Variants in STK3 observed in about 807,000 individuals in gnomAD.
STK3 encodes the protein serine/threonine kinase 3.
In STK3, 41 loss-of-function variants were observed where a neutral mutation model predicts 58.0. That is an observed-to-expected ratio of 0.71 (90% CI 0.55 to 0.92). The LOEUF (loss-of-function observed/expected upper bound fraction) is 0.92. STK3 is among the 40% of genes least tolerant of loss of function. The pLI, the probability that STK3 is intolerant of heterozygous loss-of-function variation, is 0.00. For synonymous variants in STK3, 170 were observed against 191.0 expected, an observed-to-expected ratio of 0.89 and a Z score of 0.91; for missense variants, 479 against 602.7, an observed-to-expected ratio of 0.79 and a Z score of 2.15.
chr8:98,604,296 C>T (rs1417220303), intron 6 of STK3, among the ~76,000 whole-genome samples: 1 of 152,194 alleles, frequency 6.6e-6, no homozygotes, highest in Admixed American at 6.5e-5. Flanking sequence ...ACTCCATGTC[C>T]CACATCCAGG....
chr8:98,903,322 G>A (rs751172455), intron 1 of STK3, among the ~76,000 whole-genome samples: 36 of 152,076 alleles, frequency 2.4e-4, no homozygotes, highest in Non-Finnish European at 4.9e-4. Context: ...AGTTTTTATG[G>A]GCAGGTGATA....
chr8:98,428,623 C>T lies in STK3; in HGVS notation n.483+5504G>A, dbSNP rs749147597. 2 of 1,614,090 alleles carry T rather than the reference C, an allele frequency of 1.2e-6. No homozygotes were observed. The highest frequency in any genetic ancestry group is 1.7e-6 in the Non-Finnish European group (2 of 1,180,058). On this transcript the variant is annotated intron_variant and non_coding_transcript_variant, in intron 3 of 3. Coordinates refer to the STK3 transcript ENST00000517832. The surrounding 1 kb of genome is among the most constrained non-coding windows in gnomAD (Gnocchi z 6.7). The stretch of plus-strand genomic sequence containing the variant: ...AATAGCCTGCCCGATTTCCAAATCC[C>T]TGACAGCCAGGGCAACCCTGGCGAG...
intron 3 of STK3, among the ~76,000 whole-genome samples, chr8:98,854,470 T>A (rs1836595474): frequency 1.3e-5 from 2 of 152,116 alleles, no homozygotes; most frequent in Admixed American, 6.6e-5. Flanking sequence ...TGTAATCTCG[T>A]ATATAGAAAA....
At chr8:98,613,614 T>A (rs1459215438) in intron 6 of STK3, among the ~76,000 whole-genome samples, 1 of 150,186 alleles carries the variant, frequency 6.7e-6, no homozygotes, top group South Asian at 2.1e-4. Flanking sequence ...AAAAGAAAAC[T>A]CTTAAAAAAA....
chr8:98,452,085 G>A (rs1379575846), downstream of STK3, among the ~76,000 whole-genome samples: 1 of 152,082 alleles, frequency 6.6e-6, no homozygotes, highest in Non-Finnish European at 1.5e-5. Flanking sequence ...TACAGGATAG[G>A]AAATGAAAAT....
At chr8:98,588,229 G>A (rs556306887) in intron 7 of STK3, among the ~76,000 whole-genome samples, 171 of 152,156 alleles carry the variant, frequency 1.1e-3, no homozygotes, top group Non-Finnish European at 1.4e-3. Flanking sequence ...TTTTGCAGCG[G>A]CTGGTGCCGG....
chr8:98,446,328 T>C (rs1818947715), intron 1 of STK3, among the ~76,000 whole-genome samples: 1 of 152,230 alleles, frequency 6.6e-6, no homozygotes, highest in Admixed American at 6.5e-5. Context: ...GCTGCCTTTA[T>C]TTCTGTATTT....
chr8:98,466,597 T>G (rs1282974103), intron 10 of STK3, among the ~76,000 whole-genome samples: 2 of 152,206 alleles, frequency 1.3e-5, no homozygotes, highest in South Asian at 2.1e-4. Context: ...CCTCTAGTGC[T>G]GGGAGCAGGA....
At chr8:98,377,935 G>T (rs538747429) in intron 2 of STK3, among the ~76,000 whole-genome samples, 1 of 152,168 alleles carries the variant, frequency 6.6e-6, no homozygotes, top group South Asian at 2.1e-4. Flanking sequence ...TGCCTCTTGT[G>T]GGGAAGCCGT....
At chr8:98,664,665 C>T (rs756491218) in intron 6 of STK3, among the ~76,000 whole-genome samples, 29 of 152,144 alleles carry the variant, frequency 1.9e-4, no homozygotes, top group Non-Finnish European at 3.5e-4. Flanking sequence ...ATAAGAAATG[C>T]TTTCCATATT....
At chr8:98,907,891 T>C (rs983253533) in intron 1 of STK3, among the ~76,000 whole-genome samples, 3 of 152,262 alleles carry the variant, frequency 2.0e-5, no homozygotes, top group Non-Finnish European at 4.4e-5. Flanking sequence ...CTGGCTCTTT[T>C]TTCCTTGCAT....
chr8:98,647,299 T>C (rs1219567652), intron 6 of STK3, among the ~76,000 whole-genome samples: 1 of 152,176 alleles, frequency 6.6e-6, no homozygotes, highest in East Asian at 1.9e-4. Flanking sequence ...CCACCAAAAC[T>C]CCCTGTATCC....
At chr8:98,923,521 C>A (rs1304606400) in intron 1 of STK3, among the ~76,000 whole-genome samples, 1 of 152,106 alleles carries the variant, frequency 6.6e-6, no homozygotes, top group Non-Finnish European at 1.5e-5. Context: ...CAGAAGAAAT[C>A]ATGAAAACAA....
At position 98,600,604 on chromosome 8, in the gene STK3, G is replaced by A. The variant is rs553791769; in HGVS notation, c.685-4435C>T. Among the ~76,000 whole-genome samples the A allele has an allele frequency of 8.5e-5, 13 of 152,224 alleles. No individual in the cohort carries two copies. In the South Asian group the frequency reaches 2.5e-3, roughly 29 times the overall value. On this transcript the variant is annotated intron_variant, in intron 6 of 10. Coordinates refer to ENST00000419617, the MANE Select transcript of STK3 (RefSeq NM_006281.4). ...CCACTGCTTCCATCAGATTTCTGCT[G>A]CACATAATTTTATTTTAAGATAAAG...
At chr8:98,542,609 AG>A (rs1329384208) in intron 9 of STK3, among the ~76,000 whole-genome samples, 1 of 152,196 alleles carries the variant, frequency 6.6e-6, no homozygotes, top group East Asian at 1.9e-4. Flanking sequence ...CTCTGGTCCC[AG>A]GAAGATATGA....
chr8:98,452,367 A>G (rs1819237460), downstream of STK3, among the ~76,000 whole-genome samples: 4 of 152,222 alleles, frequency 2.6e-5, no homozygotes, highest in African/African-American at 9.6e-5. Context: ...ATCCATTTGA[A>G]TACACTTTCT....
At chr8:98,689,362 T>G (rs1471434674) in intron 6 of STK3, among the ~76,000 whole-genome samples, 1 of 152,064 alleles carries the variant, frequency 6.6e-6, no homozygotes, top group Non-Finnish European at 1.5e-5. Flanking sequence ...GAGGGCCTCC[T>G]CCCTAACTCA....
rs1338655951 is a variant in STK3, at chr8:98,525,057, G to GC, written c.1317+1684dup. On this transcript the variant is annotated intron_variant, in intron 10 of 10. Transcript: ENST00000419617. ...AGCTCATTTCAAAGTGTTTCTCAGAGCCCATTAAGATGTATTCCATACTAC... is the reference window on the plus strand; with the variant it reads ...AGCTCATTTCAAAGTGTTTCTCAGAGCCCCATTAAGATGTATTCCATACTAC... 2.6e-5 allele frequency among the ~76,000 whole-genome samples: 4 copies of GC among 152,172 alleles called. No individual in the cohort carries two copies. In the East Asian group the frequency reaches 7.7e-4, roughly 29 times the overall value.
intron 6 of STK3, among the ~76,000 whole-genome samples, chr8:98,676,274 G>C (rs1181122004): frequency 1.3e-5 from 2 of 152,222 alleles, no homozygotes; most frequent in Non-Finnish European, 2.9e-5. Flanking sequence ...AAAAGTTCTA[G>C]AGATGAATAG....
Sources: gnomAD v4.1 joint callset for allele counts (sites outside exome capture counted in the v4.1 genomes callset) on GRCh38, gnomAD v4.1.1 for gene constraint, Gnocchi (gnomAD v3.1) non-coding constraint, MANE v1.5 for transcripts, NCBI Gene and HGNC (gene_info 2026-07-23, HGNC 2026-07-21) for gene names.